Variants in ENTPD1 observed in about 807,000 individuals in gnomAD.
ENTPD1 encodes the protein ectonucleoside triphosphate diphosphohydrolase 1.
Under a neutral mutation model 57.0 loss-of-function variants are expected in ENTPD1, and 33 were observed. That is an observed-to-expected ratio of 0.58 (90% CI 0.44 to 0.77). The LOEUF is 0.77. ENTPD1 is among the 30% of genes least tolerant of loss of function. ENTPD1 has a pLI of 0.00. For missense variants in ENTPD1, 501 were observed against 603.4 expected (o/e 0.83, Z 1.78); for synonymous variants, 202 against 218.8 (o/e 0.92, Z 0.68).
intron 1 of ENTPD1, among the ~76,000 whole-genome samples, chr10:95,781,116 G>T (rs1434699077): frequency 6.6e-6 from 1 of 152,172 alleles, no homozygotes; most frequent in Non-Finnish European, 1.5e-5. Context: ...AACATGGATA[G>T]AACTGGAAGT....
upstream of ENTPD1, among the ~76,000 whole-genome samples, chr10:95,751,408 G>A (rs969897420): frequency 3.3e-5 from 5 of 152,164 alleles, no homozygotes; most frequent in African/African-American, 1.2e-4. Flanking sequence ...GTGTGACTAG[G>A]TGGATGGTAG....
intron 1 of ENTPD1, among the ~76,000 whole-genome samples, chr10:95,822,630 T>C (rs1404589595): frequency 6.6e-6 from 1 of 152,204 alleles, no homozygotes; most frequent in Non-Finnish European, 1.5e-5. Context: ...TATTGGAGCT[T>C]TTCTAATGTC....
intron 1 of ENTPD1, among the ~76,000 whole-genome samples, chr10:95,800,970 A>T (rs2098246964): frequency 1.3e-5 from 2 of 152,228 alleles, no homozygotes; most frequent in South Asian, 4.1e-4. Flanking sequence ...AGGCATAAGA[A>T]ATTATAAGAG....
At chr10:95,755,744 C>T, upstream of ENTPD1, 2 of 1,537,198 alleles carry the variant, frequency 1.3e-6, 1 homozygote, top group African/African-American at 2.7e-5. Context: ...TCTTGACTTT[C>T]AGTTTTTCGA....
chr10:95,852,627 C>A (rs1377853978), intron 7 of ENTPD1, among the ~76,000 whole-genome samples: 7 of 152,274 alleles, frequency 4.6e-5, no homozygotes, highest in African/African-American at 1.2e-4. Context: ...AGGAAGGGAT[C>A]CAGTTTCAGC....
intron 1 of ENTPD1, among the ~76,000 whole-genome samples, chr10:95,735,458 C>T (rs937080805): frequency 3.9e-5 from 6 of 152,196 alleles, no homozygotes; most frequent in African/African-American, 1.4e-4. Context: ...TAGAAGATAT[C>T]ATTTAATCTG....
chr10:95,746,442 C>T (rs1046910460), intron 1 of ENTPD1, among the ~76,000 whole-genome samples: 1 of 152,154 alleles, frequency 6.6e-6, no homozygotes, highest in African/African-American at 2.4e-5. Flanking sequence ...TCTGGCAGCA[C>T]TCTAAAATCA....
intron 1 of ENTPD1, among the ~76,000 whole-genome samples, chr10:95,750,449 C>G (rs1363435625): frequency 1.3e-5 from 2 of 152,114 alleles, no homozygotes; most frequent in African/African-American, 2.4e-5. Context: ...TGCTCCCTCT[C>G]TTGCTATGTG....
rs1195566175 is a variant in ENTPD1, at chr10:95,872,041, C to T, written c.*5658C>T. 2.0e-6 allele frequency: 2 copies of T among 985,432 alleles called. No homozygotes were observed. The highest frequency in any genetic ancestry group is 2.4e-6 in the Non-Finnish European group (2 of 829,930). The allele number at this position is 985,432 out of a possible 1,614,324, so 61.0% of individuals were successfully genotyped here. A position where few individuals can be genotyped will look rare whatever the true frequency, so the allele number is the denominator to read the frequency against. On this transcript the variant is annotated 3_prime_UTR_variant, in exon 10 of 10. Coordinates refer to ENST00000371205, the MANE Select transcript of ENTPD1 (RefSeq NM_001776.6). The stretch of plus-strand genomic sequence containing the variant: ...CCCTGCCTCAATGAACCAAGATCAG[C>T]TCCATCACTGGGACCTCCCCATTCT...
At chr10:95,699,519 G>A in the ENTPD1 span, among the ~76,000 whole-genome samples, 2 of 151,702 alleles carry the variant, frequency 1.3e-5, no homozygotes, top group African/African-American at 4.8e-5. Context: ...GAGGTGGGAG[G>A]ATCACTTGAG....
chr10:95,779,792 CACAA>C (rs1408112076), intron 1 of ENTPD1, among the ~76,000 whole-genome samples: 2 of 152,108 alleles, frequency 1.3e-5, no homozygotes, highest in African/African-American at 4.8e-5. Context: ...ATTTAAATTG[CACAA>C]ACAAACACTA....
chr10:95,863,915 G>A (rs1044350333), intron 8 of ENTPD1, among the ~76,000 whole-genome samples: 2 of 152,182 alleles, frequency 1.3e-5, no homozygotes, highest in Admixed American at 1.3e-4. Context: ...AGAGGTCCTG[G>A]CCTGTTGTCC....
At chr10:95,778,271 A>G (rs755185076) in intron 1 of ENTPD1, among the ~76,000 whole-genome samples, 1 of 152,202 alleles carries the variant, frequency 6.6e-6, no homozygotes, top group African/African-American at 2.4e-5. Context: ...CCATTCAGCC[A>G]TCTTGGAACC....
rs1378701085 is a variant in ENTPD1 at position 95,871,845 on chromosome 10, C to G, written c.*5462C>G. On this transcript the variant is annotated 3_prime_UTR_variant, in exon 10 of 10. Transcript: ENST00000371205. ...GTATTAGTCAATGGTAAGTAAGATA[C>G]TCTCATCTAAGAAATAACATCACCT... The G allele has an allele frequency of 1.0e-6, 1 of 985,248 alleles. No homozygotes were observed. Among genetic ancestry groups the G allele is most frequent in the African/African-American group, 1.7e-5 (1 of 57,206 alleles). 61.0% of individuals were successfully genotyped at this position (985,248 alleles called of 1,614,324 possible).
intron 1 of ENTPD1, among the ~76,000 whole-genome samples, chr10:95,742,636 C>T (rs1054488794): frequency 6.6e-6 from 1 of 151,030 alleles, no homozygotes; most frequent in African/African-American, 2.4e-5. Context: ...TGTAACAAGG[C>T]CATTTCCGTG....
At chr10:95,805,619 T>C (rs930367476) in intron 1 of ENTPD1, among the ~76,000 whole-genome samples, 1 of 152,216 alleles carries the variant, frequency 6.6e-6, no homozygotes, top group Non-Finnish European at 1.5e-5. Flanking sequence ...GTTTTTGCAG[T>C]GGCTGGTACT....
At chr10:95,772,036 A>G (rs966228757) in intron 1 of ENTPD1, among the ~76,000 whole-genome samples, 1 of 152,232 alleles carries the variant, frequency 6.6e-6, no homozygotes, top group African/African-American at 2.4e-5. Context: ...ACTATACTGT[A>G]TCTATTAAGT....
chr10:95,866,796 A>C lies in ENTPD1; in HGVS notation c.*413A>C, dbSNP rs1590220752. Reference sequence around the variant, plus strand: ...ACTGGTTCAGTTGTACTCTTTAAGAACCCCTTTCTCTCTCCTGTTTGCCAT... The same window carrying C: ...ACTGGTTCAGTTGTACTCTTTAAGACCCCCTTTCTCTCTCCTGTTTGCCAT... On this transcript the variant is annotated 3_prime_UTR_variant, in exon 10 of 10. Transcript: ENST00000371205. 2 of 1,064,704 alleles carry C rather than the reference A, an allele frequency of 1.9e-6. No individual in the cohort carries two copies. Among genetic ancestry groups the C allele is most frequent in the Non-Finnish European group, 2.3e-6 (2 of 877,252 alleles). 66.0% of individuals were successfully genotyped at this position (1,064,704 alleles called of 1,614,324 possible).
intron 1 of ENTPD1, among the ~76,000 whole-genome samples, chr10:95,722,694 G>A (rs1170755581): frequency 6.6e-6 from 1 of 152,096 alleles, no homozygotes; most frequent in Non-Finnish European, 1.5e-5. Flanking sequence ...ATACCATTGT[G>A]GTTTTTTTCT....
Sources: allele counts gnomAD v4.1 joint callset (sites outside exome capture counted in the v4.1 genomes callset), GRCh38; gene constraint gnomAD v4.1.1; transcripts MANE v1.5; gene names NCBI Gene and HGNC (gene_info 2026-07-23, HGNC 2026-07-21).